Variants in GRIN2A observed in about 807,000 individuals in gnomAD.
GRIN2A encodes glutamate ionotropic receptor NMDA type subunit 2A.
A neutral mutation model predicts 113.4 loss-of-function variants in GRIN2A; 22 were observed. The observed-to-expected ratio is 0.19, with a 90% CI of 0.14 to 0.28. The LOEUF is 0.28. Among genes scored for constraint, GRIN2A ranks in the 10% least tolerant of loss-of-function variants. The pLI is 1.00. For missense variants in GRIN2A, 1,502 were observed against 1,887.0 expected, an observed-to-expected ratio of 0.80 and a Z score of 3.78; for synonymous variants, 827 against 738.4, an observed-to-expected ratio of 1.12 and a Z score of -1.94.
chr16:9,965,375 C>G (rs1295865423), intron 2 of GRIN2A, among the ~76,000 whole-genome samples: 6 of 152,086 alleles, frequency 3.9e-5, no homozygotes, highest in Non-Finnish European at 7.4e-5. Flanking sequence ...GGAGATGGAA[C>G]AAAAATGCCC....
chr16:9,866,276 G>C (rs1272938509), intron 4 of GRIN2A, among the ~76,000 whole-genome samples: 1 of 152,222 alleles, frequency 6.6e-6, no homozygotes, highest in African/African-American at 2.4e-5. Context: ...AATCATGAAG[G>C]AGTGCAATGG....
intron 4 of GRIN2A, among the ~76,000 whole-genome samples, chr16:9,864,255 T>G (rs9939817): frequency 0.38 from 57,930 of 151,796 alleles, 12,466 homozygotes; most frequent in African/African-American, 0.59. Flanking sequence ...AGAAGTTTTT[T>G]TTCCCTCAGC....
chr16:10,136,934 G>A (rs773774377), intron 2 of GRIN2A, among the ~76,000 whole-genome samples: 13 of 152,144 alleles, frequency 8.5e-5, no homozygotes, highest in Non-Finnish European at 1.6e-4. Context: ...AACAATAAAT[G>A]GTAAATTTTA....
chr16:9,850,244 A>C (rs2042859718), intron 4 of GRIN2A, among the ~76,000 whole-genome samples: 1 of 152,186 alleles, frequency 6.6e-6, no homozygotes, highest in African/African-American at 2.4e-5. Context: ...GGTGGTTCTA[A>C]TGTTCTGCCA....
intron 3 of GRIN2A, among the ~76,000 whole-genome samples, chr16:9,935,022 G>A (rs913470815): frequency 6.6e-6 from 1 of 152,028 alleles, no homozygotes; most frequent in African/African-American, 2.4e-5. Flanking sequence ...GCGTAACTTT[G>A]GGAAATTGCG....
intron 2 of GRIN2A, chr16:10,112,185 G>A (rs559900031): frequency 2.1e-5 from 12 of 584,686 alleles, no homozygotes; most frequent in African/African-American, 3.7e-5. Flanking sequence ...AGGCATCAAC[G>A]TCATAGTCTT....
intron 2 of GRIN2A, among the ~76,000 whole-genome samples, chr16:9,943,674 A>C (rs2044945813): frequency 6.6e-6 from 1 of 151,810 alleles, no homozygotes; most frequent in Admixed American, 6.6e-5. Flanking sequence ...ATGAGAGGTT[A>C]AATGACTTCC....
chr16:9,978,418 A>T (rs1463452594), intron 2 of GRIN2A, among the ~76,000 whole-genome samples: 1 of 152,162 alleles, frequency 6.6e-6, no homozygotes, highest in East Asian at 1.9e-4. Context: ...GATGATTAAC[A>T]TGAGTATGGA....
At chr16:9,839,417 A>G (rs11863434) in intron 7 of GRIN2A, among the ~76,000 whole-genome samples, 8,179 of 152,210 alleles carry the variant, frequency 0.054, 731 homozygotes, top group African/African-American at 0.19. Flanking sequence ...ATAAATTTAC[A>G]AAACGGTTAA....
At position 10,180,343 on chromosome 16, in the gene GRIN2A, C is replaced by G. The variant is rs753222901; in HGVS notation, c.69G>C (p.Pro23=). Residue 23 remains proline, a synonymous_variant, in exon 2 of 13, where the codon CCG becomes CCC. Transcript: ENST00000330684. The surrounding 1 kb of genome is among the most constrained non-coding windows in gnomAD (Gnocchi z 7.0). The part of the protein sequence containing the change: ...PALLVWRGPA[P]SAAAEKGPPA... ...GGGGACCCTTCTCCGCCGCCGCGCT[C>G]GGCGCCGGACCGCGCCAGACCAGAA... The G allele has an allele frequency of 1.2e-6, 2 of 1,608,620 alleles. No individual in the cohort carries two copies. The highest frequency in any genetic ancestry group is 8.5e-7 in the Non-Finnish European group (1 of 1,179,834).
intron 4 of GRIN2A, among the ~76,000 whole-genome samples, chr16:9,883,967 AG>A (rs1472282831): frequency 3.3e-5 from 5 of 152,208 alleles, no homozygotes; most frequent in Non-Finnish European, 7.3e-5. Flanking sequence ...GGGGAATAAA[AG>A]GCTTGTTTTA....
intron 2 of GRIN2A, among the ~76,000 whole-genome samples, chr16:9,951,083 T>C (rs545373576): frequency 6.6e-6 from 1 of 152,118 alleles, no homozygotes; most frequent in African/African-American, 2.4e-5. Context: ...CTTTACCTGG[T>C]CATTCTCCCA....
intron 2 of GRIN2A, among the ~76,000 whole-genome samples, chr16:10,138,831 C>T (rs2049259183): frequency 6.6e-6 from 1 of 152,114 alleles, no homozygotes; most frequent in Non-Finnish European, 1.5e-5. Context: ...ATCATTATTA[C>T]TATGCCATCA....
chr16:9,791,828 C>T (rs1308779191), intron 11 of GRIN2A, among the ~76,000 whole-genome samples: 1 of 152,062 alleles, frequency 6.6e-6, no homozygotes, highest in Non-Finnish European at 1.5e-5. Context: ...GATGCCAACA[C>T]TGACCCACTC....
At chr16:9,772,922 C>CCAAAAA (rs777635808) in intron 11 of GRIN2A, among the ~76,000 whole-genome samples, 1 of 105,014 alleles carries the variant, frequency 9.5e-6, no homozygotes, top group African/African-American at 3.7e-5. Flanking sequence ...ACTTCAATTT[C>CCAAAAA]AAAAAAAAAA....
chr16:9,982,768 CT>C (rs1484407276), intron 2 of GRIN2A, among the ~76,000 whole-genome samples: 2 of 152,172 alleles, frequency 1.3e-5, no homozygotes, highest in African/African-American at 2.4e-5. Flanking sequence ...TTGGTAACTG[CT>C]TTGCTCATTG....
chr16:9,934,237 T>C (rs1413308239), intron 3 of GRIN2A, among the ~76,000 whole-genome samples: 1 of 152,040 alleles, frequency 6.6e-6, no homozygotes, highest in African/African-American at 2.4e-5. Context: ...AAAAGAATTC[T>C]TATTCCTAAG....
chr16:9,825,231 C>A (rs1478973002), intron 9 of GRIN2A, among the ~76,000 whole-genome samples: 1 of 152,174 alleles, frequency 6.6e-6, no homozygotes, highest in East Asian at 1.9e-4. Flanking sequence ...CAGTTAAGCT[C>A]CTGAGCCTGA....
chr16:9,768,407 C>T (rs1195447621), intron 12 of GRIN2A, among the ~76,000 whole-genome samples: 1 of 152,172 alleles, frequency 6.6e-6, no homozygotes, highest in Admixed American at 6.5e-5. Context: ...AGGTTTCTAA[C>T]AAAATCAGAT....
Sources: allele counts gnomAD v4.1 joint callset (sites outside exome capture counted in the v4.1 genomes callset), GRCh38; gene constraint gnomAD v4.1.1; non-coding constraint Gnocchi (gnomAD v3.1); transcripts MANE v1.5; gene names NCBI Gene and HGNC (gene_info 2026-07-23, HGNC 2026-07-21).